Variants in TAS2R9 observed in about 807,000 individuals in gnomAD.
TAS2R9 encodes the protein taste 2 receptor member 9, also known as taste receptor type 2 member 9.
For missense variants in TAS2R9, 406 were observed against 363.6 expected (o/e 1.12, Z -0.95); for synonymous variants, 158 against 134.2 (o/e 1.18, Z -1.23).
Position 10,809,550 on chromosome 12 carries a change from C to T in TAS2R9, c.526G>A (p.Gly176Ser). 1 of 1,613,510 alleles carries T rather than the reference C, an allele frequency of 6.2e-7. No individual in the cohort carries two copies. Among genetic ancestry groups the T allele is most frequent in the Non-Finnish European group, 8.5e-7 (1 of 1,179,802 alleles). The change falls in exon 1 of 1, where the codon GGT becomes AGT. Residue 176 changes from glycine (G) to serine (S), a missense_variant. Transcript: ENST00000240691. The stretch of plus-strand genomic sequence containing the variant: ...TTCAGGGTTAACTGTTTGAAAGTAC[C>T]TGGAATTTTACTCACTTTGAATTTC... Reference protein sequence around the residue: ...TWKFKVSKIPGTFKQLTLNLG... With the variant: ...TWKFKVSKIPSTFKQLTLNLG...
chr12:10,809,371 G>T lies in TAS2R9; in HGVS notation c.705C>A (p.Ile235=). ...EAHMRAIKAV[I]IFLLLLIVYY... ...ACACGATGAGGAGGAGCAGAAAGAT[G>T]ATCACTGCCTTTATGGCCCTCATGT... The change falls in exon 1 of 1, where the codon ATC becomes ATA. Residue 235 remains isoleucine, a synonymous_variant. Coordinates refer to ENST00000240691, the MANE Select transcript of TAS2R9 (RefSeq NM_023917.2). The T allele has an allele frequency of 2.5e-6, 4 of 1,613,596 alleles. No homozygotes were observed. Among genetic ancestry groups the T allele is most frequent in the Non-Finnish European group, 3.4e-6 (4 of 1,179,820 alleles).
rs1948756479 is a variant in TAS2R9, at chr12:10,809,909, A to G, written c.167T>C (p.Ile56Thr). Residue 56 changes from isoleucine (I) to threonine (T), a missense_variant, in exon 1 of 1, where the codon ATC becomes ACC. Physicochemically the swap from Ile to Thr is moderately conservative, Grantham distance 89 (BLOSUM62 -1). Transcript: ENST00000240691. Reference protein sequence around the residue: ...IILISLAISRICLLCVISLDG... With the variant: ...IILISLAISRTCLLCVISLDG... ...TAATGATATTACACACAGCAGACAG[A>G]TTCTGGAGATGGCCAAGCTGATCAG... The G allele has an allele frequency of 3.7e-6, 6 of 1,613,824 alleles. No individual in the cohort carries two copies. The East Asian group carries it at 1.3e-4, about 36-fold the overall frequency.
Position 10,809,143 on chromosome 12 carries a change from A to T in TAS2R9, c.933T>A (p.Val311=). 1 of 1,606,916 alleles carries T rather than the reference A, an allele frequency of 6.2e-7. No individual in the cohort carries two copies. The highest frequency in any genetic ancestry group is 8.5e-7 in the Non-Finnish European group (1 of 1,176,468). Residue 311 remains valine, a synonymous_variant, in exon 1 of 1, where the codon GTT becomes GTA. Coordinates refer to ENST00000240691, the MANE Select transcript of TAS2R9 (RefSeq NM_023917.2). ...GGATACTCTTTAGGGGTCTCTATGG[A>T]ACAAAAGGCTTTCTTCTTCTAAGGA... The part of the protein sequence containing the change: ...KCFLRRRKPF[V]P
Position 10,809,244 on chromosome 12 carries a change from G to T in TAS2R9, c.832C>A (p.His278Asn). 1 of 1,613,582 alleles carries T rather than the reference G, an allele frequency of 6.2e-7. No individual in the cohort carries two copies. The highest frequency in any genetic ancestry group is 1.7e-5 in the Admixed American group (1 of 59,882). ...DIVTVIFPSS[H>N]SFILIMGNSK... ...TTTCCCATAATTAGAATGAATGAAT[G>T]GCTTGATGGGAAAATGACAGTTACT... The change falls in exon 1 of 1, where the codon CAT becomes AAT. Residue 278 changes from histidine to asparagine, a missense_variant. By Grantham distance (68) the His-to-Asn change is moderately conservative. Coordinates refer to ENST00000240691, the MANE Select transcript of TAS2R9 (RefSeq NM_023917.2).
Position 10,809,809 on chromosome 12 carries a change from C to G in TAS2R9, c.267G>C (p.Trp89Cys), listed in dbSNP as rs1358938959. ...SVLVSIVNVV[W>C]TFANNSSLWF... Reference sequence around the variant, plus strand: ...AGAGACTTGAATTATTGGCAAATGTCCAGACAACATTCACAATGCTTACTA... The same window carrying G: ...AGAGACTTGAATTATTGGCAAATGTGCAGACAACATTCACAATGCTTACTA... The change falls in exon 1 of 1, where the codon TGG (tryptophan) becomes TGC (cysteine). Residue 89 changes from tryptophan to cysteine, a missense_variant. Trp to Cys is a radical substitution (Grantham distance 215). Transcript: ENST00000240691. 1 of 1,613,490 alleles carries G rather than the reference C, an allele frequency of 6.2e-7. No individual in the cohort carries two copies. Among genetic ancestry groups the G allele is most frequent in the African/African-American group, 1.3e-5 (1 of 74,836 alleles).
chr12:10,809,882 T>C lies in TAS2R9; in HGVS notation c.194A>G (p.Asp65Gly). ...RICLLCVISL[D>G]GFFMLLFPGT... is the part of the protein sequence containing the mutation. ...TGGAAAGAGCAGCATAAAGAAGCCA[T>C]CTAATGATATTACACACAGCAGACA... Residue 65 changes from aspartate (D) to glycine (G), a missense_variant, in exon 1 of 1, where the codon GAT becomes GGT. By Grantham distance (94) the Asp-to-Gly change is moderately conservative. Transcript: ENST00000240691. 2 of 1,613,782 alleles carry C rather than the reference T, an allele frequency of 1.2e-6. No homozygotes were observed. The highest frequency in any genetic ancestry group is 8.5e-7 in the Non-Finnish European group (1 of 1,179,854).
Position 10,810,158 on chromosome 12 carries a change from G to T in TAS2R9, c.-83C>A. The T allele has an allele frequency of 1.5e-6, 2 of 1,291,830 alleles. No homozygotes were observed. The highest frequency in any genetic ancestry group is 1.5e-5 in the African/African-American group (1 of 67,180). The allele number at this position is 1,291,830 out of a possible 1,614,324, so 80.0% of individuals were successfully genotyped here. The stretch of plus-strand genomic sequence containing the variant: ...CCAGTGAAGAACAATGTATCTGTCT[G>T]CCTCTTAGACCATGATATAGTTGTC... On this transcript the variant is annotated 5_prime_UTR_variant, in exon 1 of 1. Coordinates refer to ENST00000240691, the MANE Select transcript of TAS2R9 (RefSeq NM_023917.2).
rs1948755661 is a variant in TAS2R9 at position 10,809,817 on chromosome 12, C to T, written c.259G>A (p.Val87Ile). The change falls in exon 1 of 1, where the codon GTT (valine) becomes ATT (isoleucine). Residue 87 changes from valine (V) to isoleucine (I), a missense_variant. Val to Ile is a conservative substitution (Grantham distance 29). Coordinates refer to ENST00000240691, the MANE Select transcript of TAS2R9 (RefSeq NM_023917.2). ...GAATTATTGGCAAATGTCCAGACAACATTCACAATGCTTACTAGCACGCTA... is the reference window on the plus strand; with the variant it reads ...GAATTATTGGCAAATGTCCAGACAATATTCACAATGCTTACTAGCACGCTA... ...GNSVLVSIVNVVWTFANNSSL... is the reference protein window; with the variant it reads ...GNSVLVSIVNIVWTFANNSSL... 2 of 1,613,578 alleles carry T rather than the reference C, an allele frequency of 1.2e-6. No individual in the cohort carries two copies. Among genetic ancestry groups the T allele is most frequent in the African/African-American group, 1.3e-5 (1 of 74,864 alleles).
Position 10,809,444 on chromosome 12 carries a change from T to C in TAS2R9, c.632A>G (p.Gln211Arg). ...GAACCCTGTAGCATGCAGTCGAATC[T>C]GCTTGGTGTGTCTAACTAGGGAGAA... ...LLFSLVRHTKQIRLHATGFRD... is the reference protein window; with the variant it reads ...LLFSLVRHTKRIRLHATGFRD... The change falls in exon 1 of 1, where the codon CAG (glutamine) becomes CGG (arginine). Residue 211 changes from glutamine (Q) to arginine (R), a missense_variant. Transcript: ENST00000240691. 2 of 1,613,544 alleles carry C rather than the reference T, an allele frequency of 1.2e-6. No individual in the cohort carries two copies. The highest frequency in any genetic ancestry group is 2.2e-5 in the South Asian group (2 of 91,074).
At position 10,809,437 on chromosome 12, in the gene TAS2R9, T is replaced by C. The variant is rs753145035; in HGVS notation, c.639A>G (p.Arg213=). The C allele has an allele frequency of 6.2e-7, 1 of 1,613,252 alleles. No homozygotes were observed. The highest frequency in any genetic ancestry group is 1.7e-5 in the Admixed American group (1 of 59,828). Residue 213 remains arginine, a synonymous_variant, in exon 1 of 1, where the codon CGA becomes CGG. Coordinates refer to ENST00000240691, the MANE Select transcript of TAS2R9 (RefSeq NM_023917.2). ...GGTCTCTGAACCCTGTAGCATGCAG[T>C]CGAATCTGCTTGGTGTGTCTAACTA... The part of the protein sequence containing the change: ...FSLVRHTKQI[R]LHATGFRDPS...
chr12:10,810,102 T>A lies in TAS2R9; in HGVS notation c.-27A>T. The A allele has an allele frequency of 1.3e-6, 2 of 1,580,414 alleles. No individual in the cohort carries two copies. The highest frequency in any genetic ancestry group is 1.7e-6 in the Non-Finnish European group (2 of 1,160,944). The stretch of plus-strand genomic sequence containing the variant: ...CCAGCAAAGACTTGTGATTTTTGAA[T>A]ATCACTGATGATGAATTGACTTTCA... On this transcript the variant is annotated 5_prime_UTR_variant, in exon 1 of 1. Transcript: ENST00000240691.
At position 10,809,476 on chromosome 12, in the gene TAS2R9, C is replaced by G; in HGVS notation, c.600G>C (p.Leu200Phe). 1 of 1,613,268 alleles carries G rather than the reference C, an allele frequency of 6.2e-7. No homozygotes were observed. The highest frequency in any genetic ancestry group is 8.5e-7 in the Non-Finnish European group (1 of 1,179,720). The part of the protein sequence containing the change: ...PFILCLISFF[L>F]LLFSLVRHTK... ...TGTGTCTAACTAGGGAGAAAAGTAA[C>G]AAGAAAAATGAGATCAGGCAAAGGA... The change falls in exon 1 of 1, where the codon TTG becomes TTC. Residue 200 changes from leucine (L) to phenylalanine (F), a missense_variant. Transcript: ENST00000240691.
chr12:10,809,911 T>G lies in TAS2R9; in HGVS notation c.165A>C (p.Arg55Ser). Residue 55 changes from arginine (R) to serine (S), a missense_variant, in exon 1 of 1, where the codon AGA becomes AGC. Arg to Ser is a moderately radical substitution (Grantham distance 110). Transcript: ENST00000240691. ...ATGATATTACACACAGCAGACAGAT[T>G]CTGGAGATGGCCAAGCTGATCAGGA... ...DIILISLAISRICLLCVISLD... is the reference protein window; with the variant it reads ...DIILISLAISSICLLCVISLD... 1 of 1,613,746 alleles carries G rather than the reference T, an allele frequency of 6.2e-7. No homozygotes were observed.
rs144196094 is a variant in TAS2R9, at chr12:10,809,640, C to T, written c.436G>A (p.Val146Ile). The T allele has an allele frequency of 1.4e-4, 223 of 1,613,538 alleles. 1 individual carries two copies. The African/African-American group carries it at 2.5e-3, about 18-fold the overall frequency. The change falls in exon 1 of 1, where the codon GTT (valine) becomes ATT (isoleucine). Residue 146 changes from valine to isoleucine, a missense_variant. Coordinates refer to ENST00000240691, the MANE Select transcript of TAS2R9 (RefSeq NM_023917.2). ...GSFLISLIIS[V>I]PKNDDMWYHL... Reference sequence around the variant, plus strand: ...TACCACATATCATCATTCTTTGGAACACTAATAATTAAAGAGATAAGAAAG... The same window carrying T: ...TACCACATATCATCATTCTTTGGAATACTAATAATTAAAGAGATAAGAAAG...
Position 10,809,386 on chromosome 12 carries a change from G to T in TAS2R9, c.690C>A (p.Ala230=). ...GCAGAAAGATGATCACTGCCTTTAT[G>T]GCCCTCATGTGGGCCTCTGTACTGG... The part of the protein sequence containing the change: ...RDPSTEAHMR[A]IKAVIIFLLL... The change falls in exon 1 of 1, where the codon GCC becomes GCA. Residue 230 remains alanine, a synonymous_variant. Transcript: ENST00000240691. The T allele has an allele frequency of 6.2e-7, 1 of 1,613,596 alleles. No individual in the cohort carries two copies. The highest frequency in any genetic ancestry group is 1.3e-5 in the African/African-American group (1 of 74,986).
Position 10,809,527 on chromosome 12 carries a change from C to G in TAS2R9, c.549G>C (p.Leu183=). Residue 183 remains leucine, a synonymous_variant, in exon 1 of 1, where the codon CTG becomes CTC. Transcript: ENST00000240691. ...KIPGTFKQLT[L]NLGVMVPFIL... ...TAAAGGGAACCATCACCCCCAGGTTCAGGGTTAACTGTTTGAAAGTACCTG... is the reference window on the plus strand; with the variant it reads ...TAAAGGGAACCATCACCCCCAGGTTGAGGGTTAACTGTTTGAAAGTACCTG... The G allele has an allele frequency of 6.2e-7, 1 of 1,613,484 alleles. No individual in the cohort carries two copies. Among genetic ancestry groups the G allele is most frequent in the East Asian group, 2.2e-5 (1 of 44,836 alleles).
At chr12:10,809,802 CA>C in the TAS2R9 span, 1 of 1,613,628 alleles carries the variant, frequency 6.2e-7, no homozygotes, top group Admixed American at 1.7e-5. Context: ...GAATTATTGG[CA>C]AATGTCCAGA....
chr12:10,809,628 C>T lies in TAS2R9; in HGVS notation c.448G>A (p.Asp150Asn), dbSNP rs775706163. 64 of 1,613,552 alleles carry T rather than the reference C, an allele frequency of 4.0e-5. No homozygotes were observed. Among genetic ancestry groups the T allele is most frequent in the Middle Eastern group, 1.6e-4 (1 of 6,076 alleles). Residue 150 changes from aspartate to asparagine, a missense_variant, in exon 1 of 1, where the codon GAT becomes AAT. By Grantham distance (23) the Asp-to-Asn change is conservative (BLOSUM62 1). Coordinates refer to ENST00000240691, the MANE Select transcript of TAS2R9 (RefSeq NM_023917.2). ...ISLIISVPKN[D>N]DMWYHLFKVS... is the part of the protein sequence containing the mutation. ...TTGAAAAGGTGATACCACATATCATCATTCTTTGGAACACTAATAATTAAA... is the reference window on the plus strand; with the variant it reads ...TTGAAAAGGTGATACCACATATCATTATTCTTTGGAACACTAATAATTAAA...
Position 10,809,317 on chromosome 12 carries a change from A to G in TAS2R9, c.759T>C (p.Ser253=), listed in dbSNP as rs763728883. Residue 253 remains serine, a synonymous_variant, in exon 1 of 1, where the codon TCT becomes TCC. Coordinates refer to ENST00000240691, the MANE Select transcript of TAS2R9 (RefSeq NM_023917.2). ...VYYPVFLVMT[S]SALIPQGKLV... ...ATTTTCCCTGAGGAATCAGAGCGCT[A>G]GAGGTCATAACAAGAAAGACTGGGT... The G allele has an allele frequency of 6.2e-7, 1 of 1,613,682 alleles. No homozygotes were observed. The highest frequency in any genetic ancestry group is 2.2e-5 in the East Asian group (1 of 44,866).
Sources: allele counts gnomAD v4.1 joint callset, GRCh38; gene constraint gnomAD v4.1.1; transcripts MANE v1.5; gene names NCBI Gene and HGNC (gene_info 2026-07-23, HGNC 2026-07-21).